Variants in KCNIP4 observed in about 807,000 individuals in gnomAD.
KCNIP4 encodes Kv channel-interacting protein 4.
In KCNIP4, 12 loss-of-function variants were observed where a neutral mutation model predicts 34.0. The ratio of observed to expected loss-of-function variants is 0.35; its 90% CI spans 0.23 to 0.57. KCNIP4 has a LOEUF of 0.57. KCNIP4 is among the 20% of genes least tolerant of loss of function. The probability of loss-of-function intolerance (pLI) is 0.83; values close to 1 mark genes in which losing one functional copy is unlikely to be tolerated. For missense variants in KCNIP4, 238 were observed against 311.7 expected (o/e 0.76, Z 1.78); for synonymous variants, 124 against 102.2 (o/e 1.21, Z -1.29).
At chr4:21,731,975 T>C (rs1352107194) in intron 1 of KCNIP4, among the ~76,000 whole-genome samples, 1 of 151,784 alleles carries the variant, frequency 6.6e-6, no homozygotes, top group Non-Finnish European at 1.5e-5. Context: ...TTATTATATA[T>C]GCTCCAGCTA....
chr4:21,920,782 T>C (rs1728896179), intron 1 of KCNIP4, among the ~76,000 whole-genome samples: 1 of 152,154 alleles, frequency 6.6e-6, no homozygotes, highest in African/African-American at 2.4e-5. Context: ...CAACTGTATT[T>C]ACTGAACTGT....
At chr4:21,608,654 T>C (rs986140673) in intron 1 of KCNIP4, among the ~76,000 whole-genome samples, 1 of 152,184 alleles carries the variant, frequency 6.6e-6, no homozygotes, top group Non-Finnish European at 1.5e-5. Flanking sequence ...TTTTTTGCCA[T>C]GTAATATAAC....
At chr4:21,422,227 G>A (rs1021858567) in intron 1 of KCNIP4, among the ~76,000 whole-genome samples, 4 of 144,696 alleles carry the variant, frequency 2.8e-5, no homozygotes, top group African/African-American at 1.0e-4. Context: ...ACGGAGTCTC[G>A]CTTTGTCGCC....
At chr4:21,375,239 T>C (rs1036195904) in intron 1 of KCNIP4, among the ~76,000 whole-genome samples, 3 of 130,912 alleles carry the variant, frequency 2.3e-5, no homozygotes, top group African/African-American at 8.8e-5. Flanking sequence ...AGTCTTGTAG[T>C]CTAAAAGGGT....
chr4:21,279,013 T>C (rs965631800), intron 1 of KCNIP4, among the ~76,000 whole-genome samples: 4 of 152,110 alleles, frequency 2.6e-5, no homozygotes, highest in African/African-American at 9.7e-5. Context: ...GGGGTGTTGT[T>C]AGAGAGGATA....
intron 3 of KCNIP4, among the ~76,000 whole-genome samples, chr4:20,779,582 C>A (rs955500028): frequency 7.5e-6 from 1 of 132,830 alleles, no homozygotes; most frequent in Non-Finnish European, 1.7e-5. Flanking sequence ...CACAACCCCC[C>A]CCCCCCACAC....
At chr4:21,068,576 G>T (rs941116691) in intron 1 of KCNIP4, among the ~76,000 whole-genome samples, 4 of 152,110 alleles carry the variant, frequency 2.6e-5, no homozygotes, top group African/African-American at 4.8e-5. Flanking sequence ...GATTGTCTTT[G>T]TGTGGAATAC....
At chr4:21,299,911 A>G (rs895771202) in intron 1 of KCNIP4, among the ~76,000 whole-genome samples, 9 of 152,190 alleles carry the variant, frequency 5.9e-5, no homozygotes, top group South Asian at 2.1e-4. Flanking sequence ...ACAGTATTAC[A>G]GATATTTGCT....
At chr4:21,236,841 C>G (rs1040875916) in intron 1 of KCNIP4, among the ~76,000 whole-genome samples, 2 of 124,764 alleles carry the variant, frequency 1.6e-5, no homozygotes, top group Admixed American at 8.0e-5. Flanking sequence ...AACCCCACCT[C>G]TACTAAAAAA....
intron 1 of KCNIP4, chr4:21,763,127 T>A (rs1718172578): frequency 7.8e-7 from 1 of 1,284,124 alleles, no homozygotes; most frequent in Non-Finnish European, 1.0e-6. Context: ...CACCAGACAA[T>A]AATTCCTTCA....
chr4:21,167,685 T>C (rs975195062), intron 1 of KCNIP4, among the ~76,000 whole-genome samples: 8 of 152,226 alleles, frequency 5.3e-5, no homozygotes, highest in African/African-American at 1.9e-4. Context: ...TATTTAATTA[T>C]ATTTATAAAA....
intron 1 of KCNIP4, among the ~76,000 whole-genome samples, chr4:21,575,754 T>C (rs766234905): frequency 3.9e-5 from 6 of 152,206 alleles, no homozygotes; most frequent in Non-Finnish European, 8.8e-5. Context: ...CAATAGTTAA[T>C]TATGGAATAG....
chr4:21,167,477 C>T (rs2109285850), intron 1 of KCNIP4, among the ~76,000 whole-genome samples: 1 of 152,276 alleles, frequency 6.6e-6, no homozygotes, highest in Admixed American at 6.5e-5. Flanking sequence ...CAACCATTTG[C>T]AGAGGCCTAG....
chr4:21,714,785 GATT>G lies in KCNIP4; in HGVS notation c.61+233783_61+233785del, dbSNP rs201662586. ...AAGAATGTGTTAGTAATTTCCCTTTGATTATTTTATTTTATTTTATTTTATTTT... is the reference window on the plus strand; with the variant it reads ...AAGAATGTGTTAGTAATTTCCCTTTGATTTTATTTTATTTTATTTTATTTT... On this transcript the variant is annotated intron_variant, in intron 1 of 8. Transcript: ENST00000382152. 7.8e-3 allele frequency among the ~76,000 whole-genome samples: 338 copies of G among 43,366 alleles called. 48 individuals carry two copies. Among genetic ancestry groups the G allele is most frequent in the Middle Eastern group, 0.01 (1 of 100 alleles). 28.4% of individuals were successfully genotyped at this position (43,366 alleles called of 152,430 possible). A position where few individuals can be genotyped will look rare whatever the true frequency, so the allele number is the denominator to read the frequency against.
intron 1 of KCNIP4, among the ~76,000 whole-genome samples, chr4:21,835,109 T>G (rs541470167): frequency 2.0e-5 from 3 of 152,102 alleles, no homozygotes; most frequent in African/African-American, 4.8e-5. Flanking sequence ...AAAAGCAAAA[T>G]TTTAAAACTT....
In KCNIP4 at chr4:21,848,073, T is replaced by C. The variant is rs557243284; in HGVS notation, c.61+100498A>G. The C allele has an allele frequency of 3.6e-4, 55 of 152,260 alleles. No individual in the cohort carries two copies. The East Asian group carries it at 3.7e-3, about 10-fold the overall frequency. 9.4% of individuals were successfully genotyped at this position (152,260 alleles called of 1,614,324 possible). On this transcript the variant is annotated intron_variant, in intron 1 of 8. Transcript: ENST00000382152. ...CTGGCACCATTCTGAAGGTTTAACATTGTGGGAAGTCTCACTCCAGATAAT... is the reference window on the plus strand; with the variant it reads ...CTGGCACCATTCTGAAGGTTTAACACTGTGGGAAGTCTCACTCCAGATAAT...
chr4:21,829,995 A>T (rs1040695815), intron 1 of KCNIP4, among the ~76,000 whole-genome samples: 1 of 152,172 alleles, frequency 6.6e-6, no homozygotes, highest in Non-Finnish European at 1.5e-5. Context: ...GTTTTTATCT[A>T]TCAATAATTA....
At position 20,798,072 on chromosome 4, in the gene KCNIP4, A is replaced by G. The variant is rs76533390; in HGVS notation, c.289-39182T>C. Among the ~76,000 whole-genome samples, 1,189 of 152,308 alleles carry G rather than the reference A, an allele frequency of 7.8e-3. 48 individuals carry two copies. The East Asian group carries it at 0.15, about 19-fold the overall frequency. ...ATAGTTTTTATTATTTCATTAATTC[A>G]TTTGTTCATCTCTATATTTATTTCT... On this transcript the variant is annotated intron_variant, in intron 3 of 8. Coordinates refer to ENST00000382152, the MANE Select transcript of KCNIP4 (RefSeq NM_025221.6).
intron 1 of KCNIP4, among the ~76,000 whole-genome samples, chr4:21,519,430 ATG>A (rs1269718344): frequency 1.5e-5 from 2 of 132,974 alleles, no homozygotes; most frequent in South Asian, 2.4e-4. Flanking sequence ...ATATACACAT[ATG>A]TGTGTATATG....
Sources: allele counts gnomAD v4.1 joint callset (sites outside exome capture counted in the v4.1 genomes callset), GRCh38; gene constraint gnomAD v4.1.1; transcripts MANE v1.5; gene names NCBI Gene and HGNC (gene_info 2026-07-23, HGNC 2026-07-21).